Variants in ADGRV1 observed in about 807,000 individuals in gnomAD.
ADGRV1 encodes adhesion G protein-coupled receptor V1.
Under a neutral mutation model 596.2 loss-of-function variants are expected in ADGRV1, and 359 were observed. The ratio of observed to expected loss-of-function variants is 0.60; its 90% CI spans 0.55 to 0.66. The LOEUF (loss-of-function observed/expected upper bound fraction) is 0.66, where lower values mean the gene tolerates loss of function less well. Ranked by LOEUF, ADGRV1 falls within the 30% of genes least tolerant of loss-of-function variation. ADGRV1 has a pLI of 0.00. For synonymous variants in ADGRV1, 2,681 were observed against 2,679.2 expected (o/e 1.00, Z -0.02); for missense variants, 7,274 against 7,575.6 (o/e 0.96, Z 1.48).
intron 85 of ADGRV1, among the ~76,000 whole-genome samples, chr5:91,026,088 A>G (rs1477375279): frequency 6.6e-6 from 1 of 152,184 alleles, no homozygotes; most frequent in Non-Finnish European, 1.5e-5. Flanking sequence ...AAAATTACAT[A>G]CAATTAATAC....
chr5:90,822,026 C>T, intron 75 of ADGRV1: 1 of 156,066 alleles, frequency 6.4e-6, no homozygotes, highest in Non-Finnish European at 1.4e-5. Flanking sequence ...TCGCTGCCGC[C>T]TTGCAGGTTG....
chr5:90,670,135 G>A (rs541027943), intron 21 of ADGRV1, among the ~76,000 whole-genome samples: 25 of 152,152 alleles, frequency 1.6e-4, no homozygotes, highest in South Asian at 1.0e-3. Flanking sequence ...TGCATTTCTA[G>A]GATATTTATT....
chr5:90,570,428 T>A (rs1756368652), intron 1 of ADGRV1, among the ~76,000 whole-genome samples: 1 of 152,100 alleles, frequency 6.6e-6, no homozygotes, highest in South Asian at 2.1e-4. Flanking sequence ...TTACTTAGAG[T>A]TTACTGAGCT....
intron 83 of ADGRV1, among the ~76,000 whole-genome samples, chr5:90,961,615 G>T (rs1322646748): frequency 6.6e-6 from 1 of 151,606 alleles, no homozygotes; most frequent in African/African-American, 2.4e-5. Context: ...TGAGAATTGA[G>T]GTTTATAGGA....
chr5:91,067,256 G>T (rs1262841137), intron 85 of ADGRV1, among the ~76,000 whole-genome samples: 2 of 147,138 alleles, frequency 1.4e-5, no homozygotes, highest in Non-Finnish European at 3.0e-5. Context: ...TGATTCTCCT[G>T]CCTTAGCCTT....
Position 90,748,813 on chromosome 5 carries a change from G to GTTTTTTTT in ADGRV1, c.10975-1736_10975-1729dup, listed in dbSNP as rs10700327. Among the ~76,000 whole-genome samples, 360 of 142,270 alleles carry GTTTTTTTT rather than the reference G, an allele frequency of 2.5e-3. 11 individuals are homozygous for GTTTTTTTT. Among genetic ancestry groups the GTTTTTTTT allele is most frequent in the African/African-American group, 8.7e-3 (318 of 36,662 alleles). The allele number at this position is 142,270 out of a possible 152,430, so 93.3% of individuals were successfully genotyped here. ...AATTGCCTAGTTTGTCTATCATCAA[G>GTTTTTTTT]TTTTTTTTTGTTTTTTTTTTAACTA... On this transcript the variant is annotated intron_variant, in intron 52 of 89. Transcript: ENST00000405460.
At chr5:90,947,510 G>A (rs1013073081) in intron 83 of ADGRV1, among the ~76,000 whole-genome samples, 2 of 151,984 alleles carry the variant, frequency 1.3e-5, no homozygotes, top group Non-Finnish European at 2.9e-5. Flanking sequence ...AATCCTTGAT[G>A]AGTGGATTAT....
chr5:90,990,856 G>A (rs1240830231), intron 85 of ADGRV1, among the ~76,000 whole-genome samples: 1 of 152,142 alleles, frequency 6.6e-6, no homozygotes, highest in Non-Finnish European at 1.5e-5. Flanking sequence ...TATATTGAAT[G>A]TCTTTGGAAG....
At chr5:90,689,819 C>G in intron 29 of ADGRV1, 42 bp from the exon 30 acceptor site, 1 of 1,378,890 alleles carries the variant, frequency 7.3e-7, no homozygotes, top group Non-Finnish European at 1.0e-6. Context: ...ATGTTTTGAT[C>G]ATATTTTAGA....
intron 1 of ADGRV1, among the ~76,000 whole-genome samples, chr5:90,562,259 A>G (rs918718485): frequency 6.6e-6 from 1 of 152,248 alleles, no homozygotes; most frequent in Non-Finnish European, 1.5e-5. Flanking sequence ...TACTCCATGT[A>G]GAATGGAGTA....
chr5:90,560,174 A>G (rs1754631620), intron 1 of ADGRV1, among the ~76,000 whole-genome samples: 2 of 152,304 alleles, frequency 1.3e-5, no homozygotes, highest in Non-Finnish European at 2.9e-5. Context: ...TTCTTCATTT[A>G]TAAAATAAAG....
Position 90,866,519 on chromosome 5 carries a change from CTCTT to C in ADGRV1, c.17856+2664_17856+2667del, listed in dbSNP as rs534083469. ...TTTTCTCCCTTAAATTTATCGATCTCTCTTTAGCCATGATGGCGTTCAGTAAAAA... is the reference window on the plus strand; with the variant it reads ...TTTTCTCCCTTAAATTTATCGATCTCTAGCCATGATGGCGTTCAGTAAAAA... On this transcript the variant is annotated intron_variant, in intron 83 of 89. Coordinates refer to ENST00000405460, the MANE Select transcript of ADGRV1 (RefSeq NM_032119.4). Among the ~76,000 whole-genome samples, 659 of 152,134 alleles carry C rather than the reference CTCTT, an allele frequency of 4.3e-3. 4 individuals are homozygous for C. The highest frequency in any genetic ancestry group is 0.015 in the African/African-American group (629 of 41,526).
At chr5:90,801,827 A>G (rs1016927542) in intron 70 of ADGRV1, among the ~76,000 whole-genome samples, 1 of 152,218 alleles carries the variant, frequency 6.6e-6, no homozygotes, top group Non-Finnish European at 1.5e-5. Flanking sequence ...ATGTGCTGTA[A>G]GTTTCAAAAA....
chr5:91,078,603 C>T (rs1458697736), intron 86 of ADGRV1, among the ~76,000 whole-genome samples: 2 of 152,174 alleles, frequency 1.3e-5, no homozygotes, highest in East Asian at 3.9e-4. Context: ...TCTTGGAAGC[C>T]ACCATCTAAG....
intron 83 of ADGRV1, among the ~76,000 whole-genome samples, chr5:90,934,344 T>C (rs1334581996): frequency 1.3e-5 from 2 of 152,158 alleles, no homozygotes; most frequent in African/African-American, 4.8e-5. Flanking sequence ...GGGTGGAGAC[T>C]ACAACAGATG....
intron 1 of ADGRV1, among the ~76,000 whole-genome samples, chr5:90,610,486 C>T (rs185396995): frequency 6.6e-6 from 1 of 152,004 alleles, no homozygotes; most frequent in East Asian, 1.9e-4. Context: ...TGAAGACATC[C>T]TTAGTTTGTC....
intron 74 of ADGRV1, 62 bp from the exon 75 acceptor site, chr5:90,815,557 G>A: frequency 1.1e-6 from 1 of 909,504 alleles, no homozygotes; most frequent in Non-Finnish European, 1.7e-6. Context: ...AAGATTAGTG[G>A]AGCATGGGAG....
intron 83 of ADGRV1, among the ~76,000 whole-genome samples, chr5:90,932,072 C>G (rs1331232646): frequency 6.6e-6 from 1 of 152,148 alleles, no homozygotes; most frequent in South Asian, 2.1e-4. Context: ...AGGGATTTCT[C>G]AAGCATTGCA....
chr5:90,993,919 A>AT (rs1481808551), intron 85 of ADGRV1, among the ~76,000 whole-genome samples: 10 of 137,812 alleles, frequency 7.3e-5, no homozygotes, highest in East Asian at 2.2e-4. Flanking sequence ...TTTTGGTTCT[A>AT]TTTTTTTTTC....
Sources: allele counts gnomAD v4.1 joint callset (sites outside exome capture counted in the v4.1 genomes callset), GRCh38; gene constraint gnomAD v4.1.1; transcripts MANE v1.5; gene names NCBI Gene and HGNC (gene_info 2026-07-23, HGNC 2026-07-21).